The following SMAD4 variants were observed in gnomAD, a reference collection of about 807,000 sequenced individuals.
SMAD4 encodes the protein MAD homolog 4.
Under a neutral mutation model 63.2 loss-of-function variants are expected in SMAD4, and 7 were observed. The ratio of observed to expected loss-of-function variants is 0.11; its 90% CI spans 0.06 to 0.21. SMAD4 has a LOEUF of 0.21. Ranked by LOEUF, SMAD4 falls within the 10% of genes least tolerant of loss-of-function variation. SMAD4 has a pLI of 1.00. For synonymous variants in SMAD4, 215 were observed against 235.4 expected (o/e 0.91, Z 0.79); for missense variants, 312 against 693.8 (o/e 0.45, Z 6.18).
At chr18:51,073,378 TATATATATATAC>T (rs1265333979) in intron 10 of SMAD4, among the ~76,000 whole-genome samples, 8 of 86,018 alleles carry the variant, frequency 9.3e-5, no homozygotes, top group African/African-American at 3.0e-4. Flanking sequence ...TATATATATA[TATATATATATAC>T]ACACACACAC....
intron 1 of SMAD4, among the ~76,000 whole-genome samples, chr18:51,041,037 A>G (rs540577249): frequency 6.6e-6 from 1 of 152,244 alleles, no homozygotes; most frequent in East Asian, 1.9e-4. Context: ...TTTTCTACCT[A>G]GAAATAGCTC....
Position 51,079,171 on chromosome 18 carries a change from G to A in SMAD4, c.*704G>A, listed in dbSNP as rs964306349. The A allele has an allele frequency of 4.3e-6, 1 of 232,744 alleles. No homozygotes were observed. The highest frequency in any genetic ancestry group is 5.6e-5 in the Admixed American group (1 of 17,764). The allele number at this position is 232,744 out of a possible 1,614,324, so 14.4% of individuals were successfully genotyped here. ...GACAAAAAAATTTAAAATTACGTTT[G>A]TTATTCCTAGTGGATGACTGTTGAT... On this transcript the variant is annotated 3_prime_UTR_variant, in exon 12 of 12. Coordinates refer to ENST00000342988, the MANE Select transcript of SMAD4 (RefSeq NM_005359.6).
rs546363148 is a variant in SMAD4 at position 51,030,304 on chromosome 18, C to G, written c.-447C>G. ...AACGGAGCGGTTTGGGTGGCGGAGC[C>G]TGCGTTCGCGCCTTCCCGCTCTCCT... On this transcript the variant is annotated 5_prime_UTR_variant, in exon 1 of 12. Transcript: ENST00000342988. 2 of 152,800 alleles carry G rather than the reference C, an allele frequency of 1.3e-5. No homozygotes were observed. Among genetic ancestry groups the G allele is most frequent in the Non-Finnish European group, 2.9e-5 (2 of 68,160 alleles). 9.5% of individuals were successfully genotyped at this position (152,800 alleles called of 1,614,324 possible).
chr18:51,044,483 C>G (rs1006931108), intron 1 of SMAD4, among the ~76,000 whole-genome samples: 4 of 152,178 alleles, frequency 2.6e-5, no homozygotes, highest in African/African-American at 9.7e-5. Flanking sequence ...CCTTGACCTC[C>G]CAAGGCTCAG....
At chr18:51,035,844 A>G (rs568265590) in intron 1 of SMAD4, among the ~76,000 whole-genome samples, 5 of 152,222 alleles carry the variant, frequency 3.3e-5, no homozygotes, top group African/African-American at 1.2e-4. Context: ...AAAAATAAAA[A>G]TATTTTTTCC....
In SMAD4 at chr18:51,067,120, TAGAC is replaced by T. The variant is rs80338965; in HGVS notation, c.1245_1248del (p.Asp415GlufsTer20). ...GCGGTCTTTGTACAGAGTTACTACT[TAGAC>T]AGAGAAGCTGGGCGTGCACCTGGAG... is the stretch of plus-strand genomic sequence containing the variant. On this transcript the variant is annotated frameshift_variant, in exon 10 of 12. Transcript: ENST00000342988. LOFTEE classifies it high-confidence loss of function. The T allele has an allele frequency of 1.2e-6, 2 of 1,611,068 alleles. No homozygotes were observed. Among genetic ancestry groups the T allele is most frequent in the Non-Finnish European group, 8.5e-7 (1 of 1,177,186 alleles).
chr18:51,069,165 A>G (rs1403974013), intron 10 of SMAD4, among the ~76,000 whole-genome samples: 4 of 152,156 alleles, frequency 2.6e-5, no homozygotes, highest in Non-Finnish European at 4.4e-5. Flanking sequence ...CACCCAGGCT[A>G]GAGTACAGTG....
In SMAD4 at chr18:51,054,949, C is replaced by G. The variant is rs2056820832; in HGVS notation, c.623C>G (p.Ala208Gly). 6.2e-7 allele frequency: 1 copy of G among 1,614,144 alleles called. No individual in the cohort carries two copies. The highest frequency in any genetic ancestry group is 8.5e-7 in the Non-Finnish European group (1 of 1,179,986). Residue 208 changes from alanine (A) to glycine (G), a missense_variant, in exon 5 of 12, where the codon GCT (alanine) becomes GGT (glycine). Coordinates refer to ENST00000342988, the MANE Select transcript of SMAD4 (RefSeq NM_005359.6). The part of the protein sequence containing the change: ...PALLAPSESN[A>G]TSTANFPNIP... ...CTGTTAGCCCCATCTGAGTCTAATGCTACCAGCACTGCCAACTTTCCCAAC... is the reference window on the plus strand; with the variant it reads ...CTGTTAGCCCCATCTGAGTCTAATGGTACCAGCACTGCCAACTTTCCCAAC...
chr18:51,071,966 C>T (rs1910329088), intron 10 of SMAD4, among the ~76,000 whole-genome samples: 1 of 152,202 alleles, frequency 6.6e-6, no homozygotes, highest in African/African-American at 2.4e-5. Context: ...CTTTTTATGG[C>T]TGAATAGTGC....
rs936030788 is a variant in SMAD4 at position 51,083,591 on chromosome 18, C to G, written c.*5124C>G. On this transcript the variant is annotated 3_prime_UTR_variant, in exon 12 of 12. Coordinates refer to ENST00000342988, the MANE Select transcript of SMAD4 (RefSeq NM_005359.6). Reference sequence around the variant, plus strand: ...TCTCAATAGGTCCAGAGCCAGTGTTCTTGTTCAACCTGAAAGTAATGGCTC... The same window carrying G: ...TCTCAATAGGTCCAGAGCCAGTGTTGTTGTTCAACCTGAAAGTAATGGCTC... The G allele has an allele frequency of 1.8e-5, 4 of 227,676 alleles. No homozygotes were observed. Among genetic ancestry groups the G allele is most frequent in the African/African-American group, 8.9e-5 (4 of 44,964 alleles). 14.1% of individuals were successfully genotyped at this position (227,676 alleles called of 1,614,324 possible).
At chr18:51,040,476 T>C (rs1047610297) in intron 1 of SMAD4, among the ~76,000 whole-genome samples, 1 of 152,180 alleles carries the variant, frequency 6.6e-6, no homozygotes, top group Non-Finnish European at 1.5e-5. Flanking sequence ...AGTAAGTAGT[T>C]TATTGATCAC....
Position 51,065,468 on chromosome 18 carries a change from A to C in SMAD4, c.1001A>C (p.Gln334Pro). ...ATTGCTTACTTTGAAATGGATGTTCAGGTAGGAGAGACATTTAAGGTTCCT... is the reference window on the plus strand; with the variant it reads ...ATTGCTTACTTTGAAATGGATGTTCCGGTAGGAGAGACATTTAAGGTTCCT... ...CSIAYFEMDV[Q>P]VGETFKVPSS... Residue 334 changes from glutamine (Q) to proline (P), a missense_variant, in exon 9 of 12, where the codon CAG (glutamine) becomes CCG (proline). Coordinates refer to ENST00000342988, the MANE Select transcript of SMAD4 (RefSeq NM_005359.6). 6.2e-7 allele frequency: 1 copy of C among 1,614,000 alleles called. No homozygotes were observed. The highest frequency in any genetic ancestry group is 8.5e-7 in the Non-Finnish European group (1 of 1,179,890).
chr18:51,035,512 AAAATAAAT>A (rs549968734), intron 1 of SMAD4, among the ~76,000 whole-genome samples: 4 of 152,058 alleles, frequency 2.6e-5, no homozygotes, highest in Non-Finnish European at 4.4e-5. Flanking sequence ...CCTCATCTCT[AAAATAAAT>A]AAATAAATAA....
chr18:51,033,292 C>G (rs917765874), intron 1 of SMAD4, among the ~76,000 whole-genome samples: 2 of 150,158 alleles, frequency 1.3e-5, no homozygotes, highest in Admixed American at 6.8e-5. Flanking sequence ...CGGGTTCAAG[C>G]GATTCTCCTG....
chr18:51,084,939 G>A lies in SMAD4; in HGVS notation c.*6472G>A, dbSNP rs1910712237. ...CCCAGGAGTTCCTTTGTGGCTTTCT[G>A]TATACTTTTGCCTGGTTAAAGTCTG... On this transcript the variant is annotated 3_prime_UTR_variant, in exon 12 of 12. Coordinates refer to ENST00000342988, the MANE Select transcript of SMAD4 (RefSeq NM_005359.6). 1 of 218,072 alleles carries A rather than the reference G, an allele frequency of 4.6e-6. No homozygotes were observed. Among genetic ancestry groups the A allele is most frequent in the Non-Finnish European group, 9.2e-6 (1 of 108,676 alleles). The allele number at this position is 218,072 out of a possible 1,614,324, so 13.5% of individuals were successfully genotyped here. A position where few individuals can be genotyped will look rare whatever the true frequency, so the allele number is the denominator to read the frequency against.
intron 1 of SMAD4, among the ~76,000 whole-genome samples, chr18:51,031,287 A>T (rs1471475463): frequency 1.3e-5 from 2 of 152,142 alleles, no homozygotes; most frequent in African/African-American, 4.8e-5. Flanking sequence ...CGGTGGCTCC[A>T]TCACTTGTCC....
intron 8 of SMAD4, among the ~76,000 whole-genome samples, 175 bp from the exon 9 acceptor site, chr18:51,065,248 G>T (rs1910115912): frequency 6.6e-6 from 1 of 152,084 alleles, no homozygotes; most frequent in Non-Finnish European, 1.5e-5. Context: ...AGAAGACATG[G>T]AAATTCCTAC....
In SMAD4 at chr18:51,081,719, CAAAAT is replaced by C. The variant is rs1459994134; in HGVS notation, c.*3258_*3262del. The C allele has an allele frequency of 3.4e-5, 8 of 232,484 alleles. No homozygotes were observed. The highest frequency in any genetic ancestry group is 1.1e-4 in the African/African-American group (5 of 45,242). The allele number at this position is 232,484 out of a possible 1,614,324, so 14.4% of individuals were successfully genotyped here. On this transcript the variant is annotated 3_prime_UTR_variant, in exon 12 of 12. Transcript: ENST00000342988. The stretch of plus-strand genomic sequence containing the variant: ...GGGTGTTTGTAATACAAGTTGAAGG[CAAAAT>C]AAAATGTCCTGTCTCCCAGATGATA...
chr18:51,065,667 T>C (rs1291954009), intron 9 of SMAD4, 61 bp downstream of exon 9: 13 of 1,361,820 alleles, frequency 9.5e-6, no homozygotes, highest in African/African-American at 1.4e-5. Context: ...TTGTCTTTTA[T>C]TCAAGGTTAT....
Sources: gnomAD v4.1 joint callset for allele counts (sites outside exome capture counted in the v4.1 genomes callset) on GRCh38, gnomAD v4.1.1 for gene constraint, MANE v1.5 for transcripts, NCBI Gene and HGNC (gene_info 2026-07-23, HGNC 2026-07-21) for gene names.